SPIDR: variants seen among roughly 807,000 people sequenced by gnomAD.
SPIDR encodes the protein scaffold protein involved in DNA repair.
Under a neutral mutation model 104.6 loss-of-function variants are expected in SPIDR, and 93 were observed. The observed-to-expected ratio is 0.89, with a 90% CI of 0.75 to 1.06. The LOEUF is 1.06. SPIDR is among the 50% of genes least tolerant of loss of function. The pLI is 0.00. For synonymous variants in SPIDR, 431 were observed against 416.9 expected (o/e 1.03, Z -0.41); for missense variants, 1,154 against 1,111.2 (o/e 1.04, Z -0.55).
intron 10 of SPIDR, among the ~76,000 whole-genome samples, chr8:47,604,210 C>G (rs1444598942): frequency 6.6e-6 from 1 of 152,176 alleles, no homozygotes; most frequent in Non-Finnish European, 1.5e-5. Flanking sequence ...TAAGGCAGTA[C>G]TATTTAAGTT....
At chr8:47,555,540 A>AT (rs1285597911) in intron 8 of SPIDR, among the ~76,000 whole-genome samples, 1 of 152,206 alleles carries the variant, frequency 6.6e-6, no homozygotes, top group African/African-American at 2.4e-5. Context: ...AGAAGCAGTA[A>AT]TTTTTTAAAA....
intron 8 of SPIDR, among the ~76,000 whole-genome samples, chr8:47,533,086 C>T (rs1185314421): frequency 6.6e-6 from 1 of 151,906 alleles, no homozygotes; most frequent in Non-Finnish European, 1.5e-5. Flanking sequence ...TTGTAAGTTT[C>T]AGTGAAAGCA....
At chr8:47,695,919 A>T (rs567115237) in intron 11 of SPIDR, among the ~76,000 whole-genome samples, 1 of 152,220 alleles carries the variant, frequency 6.6e-6, no homozygotes, top group South Asian at 2.1e-4. Context: ...TCCTTCATCT[A>T]TTGTATATTT....
At chr8:47,659,657 C>T in intron 10 of SPIDR, 1 of 983,040 alleles carries the variant, frequency 1.0e-6, no homozygotes, top group Non-Finnish European at 1.2e-6. Flanking sequence ...CCCTTCTCGC[C>T]CCCGCCTTTT....
intron 10 of SPIDR, among the ~76,000 whole-genome samples, chr8:47,633,487 A>G (rs2067380473): frequency 6.6e-6 from 1 of 151,360 alleles, no homozygotes; most frequent in Non-Finnish European, 1.5e-5. Context: ...AGGCCATGCC[A>G]TCTGATGTGT....
In SPIDR at chr8:47,599,004, C is replaced by T; in HGVS notation, c.1352C>T (p.Ala451Val). Reference protein sequence around the residue: ...GTAWTHGHKEAKQRIPTSTPL... With the variant: ...GTAWTHGHKEVKQRIPTSTPL... ...GCCTGGACCCATGGGCACAAAGAAG[C>T]AAAACAGCGCATCCCAACCAGCACT... Residue 451 changes from alanine (A) to valine (V), a missense_variant, in exon 10 of 20, where the codon GCA becomes GTA. Coordinates refer to ENST00000297423, the MANE Select transcript of SPIDR (RefSeq NM_001080394.4). 6.2e-7 allele frequency: 1 copy of T among 1,613,700 alleles called. No homozygotes were observed. Among genetic ancestry groups the T allele is most frequent in the Non-Finnish European group, 8.5e-7 (1 of 1,179,788 alleles).
chr8:47,560,822 T>C lies in SPIDR; in HGVS notation c.1098-34989T>C, dbSNP rs78727387. The stretch of plus-strand genomic sequence containing the variant: ...TCCCACATTTTGCCACTTTAAGAGT[T>C]AGCATCTGTGTGTATTTTCCTCCAA... On this transcript the variant is annotated intron_variant, in intron 8 of 19. Coordinates refer to ENST00000297423, the MANE Select transcript of SPIDR (RefSeq NM_001080394.4). Among the ~76,000 whole-genome samples, 479 of 152,302 alleles carry C rather than the reference T, an allele frequency of 3.1e-3. 10 individuals are homozygous for C. The East Asian group carries it at 0.046, about 15-fold the overall frequency.
intron 8 of SPIDR, among the ~76,000 whole-genome samples, chr8:47,592,874 G>T (rs1407012719): frequency 1.3e-5 from 2 of 151,920 alleles, no homozygotes; most frequent in East Asian, 3.9e-4. Flanking sequence ...CAGGTCCTTG[G>T]TTCTGTTGGG....
Position 47,435,584 on chromosome 8 carries a change from A to G in SPIDR, c.878-4739A>G, listed in dbSNP as rs2068154304. ...TGTTCCTGTTTCTTAATCGTTTAAC[A>G]TCTTTGCTATTGTATATTAGTATTT... On this transcript the variant is annotated intron_variant, in intron 7 of 19. Coordinates refer to ENST00000297423, the MANE Select transcript of SPIDR (RefSeq NM_001080394.4). Among the ~76,000 whole-genome samples the G allele has an allele frequency of 2.0e-5, 3 of 152,174 alleles. No homozygotes were observed. The East Asian group carries it at 5.8e-4, about 29-fold the overall frequency.
intron 14 of SPIDR, among the ~76,000 whole-genome samples, chr8:47,703,735 C>A (rs900361392): frequency 6.6e-6 from 1 of 152,202 alleles, no homozygotes; most frequent in African/African-American, 2.4e-5. Flanking sequence ...ACAGGCCTAG[C>A]CCACAGGCCA....
chr8:47,633,584 G>C (rs936283330), intron 10 of SPIDR, among the ~76,000 whole-genome samples: 2 of 141,888 alleles, frequency 1.4e-5, no homozygotes, highest in Non-Finnish European at 3.0e-5. Context: ...CAAAAACCAA[G>C]CATGGTGGCT....
At chr8:47,268,464 A>T (rs1433289551) in intron 1 of SPIDR, among the ~76,000 whole-genome samples, 1 of 152,172 alleles carries the variant, frequency 6.6e-6, no homozygotes, top group Admixed American at 6.5e-5. Flanking sequence ...TTGTCTTTTC[A>T]TTTATTTAGA....
chr8:47,656,095 C>T (rs1057255232), intron 10 of SPIDR, among the ~76,000 whole-genome samples: 2 of 152,136 alleles, frequency 1.3e-5, no homozygotes, highest in East Asian at 3.8e-4. Flanking sequence ...AATGTAAGAA[C>T]TAAATTTCTC....
intron 10 of SPIDR, among the ~76,000 whole-genome samples, chr8:47,644,934 A>G (rs1415737429): frequency 2.6e-5 from 4 of 152,304 alleles, no homozygotes; most frequent in South Asian, 2.1e-4. Flanking sequence ...TTGCAAAGAA[A>G]AGGATGGACT....
At chr8:47,684,231 G>A (rs535739431) in intron 11 of SPIDR, among the ~76,000 whole-genome samples, 1 of 150,228 alleles carries the variant, frequency 6.7e-6, no homozygotes, top group South Asian at 2.1e-4. Flanking sequence ...TTTTTTAGAA[G>A]TGTTCTCAAA....
intron 14 of SPIDR, among the ~76,000 whole-genome samples, chr8:47,705,723 G>A (rs1051443468): frequency 9.9e-5 from 15 of 152,116 alleles, no homozygotes; most frequent in Admixed American, 3.9e-4. Context: ...GGTCAACAAA[G>A]CACGACCCCG....
intron 8 of SPIDR, among the ~76,000 whole-genome samples, chr8:47,575,626 G>A (rs1318641929): frequency 2.9e-5 from 4 of 137,280 alleles, no homozygotes; most frequent in South Asian, 4.6e-4. Flanking sequence ...CAGCCTGGGC[G>A]ACAGAGAGAG....
chr8:47,714,395 C>T (rs1302336825), intron 16 of SPIDR, among the ~76,000 whole-genome samples: 6 of 152,060 alleles, frequency 3.9e-5, no homozygotes, highest in African/African-American at 1.4e-4. Flanking sequence ...TTTGAGGGGA[C>T]CTGCTCAGTT....
At chr8:47,523,019 G>A (rs1375861090) in intron 8 of SPIDR, among the ~76,000 whole-genome samples, 1 of 149,584 alleles carries the variant, frequency 6.7e-6, no homozygotes. Flanking sequence ...TTTATTTTTT[G>A]AGCGAGGGTC....
Sources: gnomAD v4.1 joint callset for allele counts (sites outside exome capture counted in the v4.1 genomes callset) on GRCh38, gnomAD v4.1.1 for gene constraint, MANE v1.5 for transcripts, NCBI Gene and HGNC (gene_info 2026-07-23, HGNC 2026-07-21) for gene names.